Variants in DPP10 observed in about 807,000 individuals in gnomAD.
DPP10 encodes dipeptidyl peptidase like 10.
In DPP10, 33 loss-of-function variants were observed where a neutral mutation model predicts 120.9. That is an observed-to-expected ratio of 0.27 (90% CI 0.21 to 0.37). The LOEUF is 0.37. DPP10 is among the 10% of genes least tolerant of loss of function. DPP10 has a pLI of 1.00. For missense variants in DPP10, 816 were observed against 942.8 expected (o/e 0.87, Z 1.76); for synonymous variants, 337 against 326.1 (o/e 1.03, Z -0.36).
At chr2:115,806,097 T>A (rs1438531897) in intron 19 of DPP10, among the ~76,000 whole-genome samples, 1 of 152,178 alleles carries the variant, frequency 6.6e-6, no homozygotes, top group Non-Finnish European at 1.5e-5. Flanking sequence ...TAAAGGAATT[T>A]AAAATACGTG....
intron 5 of DPP10, among the ~76,000 whole-genome samples, chr2:115,553,234 T>TA (rs1392436864): frequency 6.6e-6 from 1 of 152,068 alleles, no homozygotes; most frequent in African/African-American, 2.4e-5. Context: ...CTAGACCTGA[T>TA]ACACTTGGTA....
chr2:115,050,254 C>A (rs566470928), intron 1 of DPP10: 1 of 152,258 alleles, frequency 6.6e-6, no homozygotes, highest in African/African-American at 2.4e-5. Context: ...TTTACACTTA[C>A]CCTGGTTCCA....
At chr2:114,674,898 A>G (rs747593095) in intron 1 of DPP10, among the ~76,000 whole-genome samples, 2 of 152,224 alleles carry the variant, frequency 1.3e-5, no homozygotes, top group African/African-American at 2.4e-5. Flanking sequence ...ATTACAGTTA[A>G]GACTATATAT....
chr2:114,720,631 A>G (rs962958766), intron 1 of DPP10, among the ~76,000 whole-genome samples: 4 of 152,254 alleles, frequency 2.6e-5, no homozygotes, highest in Non-Finnish European at 5.9e-5. Flanking sequence ...GAGCCTGTGG[A>G]AAGAACAATT....
Position 114,777,621 on chromosome 2 carries a change from G to A in DPP10, c.60+334783G>A, listed in dbSNP as rs80247752. Among the ~76,000 whole-genome samples, 1,009 of 152,136 alleles carry A rather than the reference G, an allele frequency of 6.6e-3. 16 individuals are homozygous for A. The highest frequency in any genetic ancestry group is 0.023 in the African/African-American group (940 of 41,530). On this transcript the variant is annotated intron_variant, in intron 1 of 25. Transcript: ENST00000410059. ...GTTGCTGAATGTCTCGTGTGAAAATGCTTTGTGGCTGAGCTTAAGAAATAA... is the reference window on the plus strand; with the variant it reads ...GTTGCTGAATGTCTCGTGTGAAAATACTTTGTGGCTGAGCTTAAGAAATAA...
chr2:114,763,473 A>G (rs1680453330), intron 1 of DPP10, among the ~76,000 whole-genome samples: 1 of 152,214 alleles, frequency 6.6e-6, no homozygotes, highest in Non-Finnish European at 1.5e-5. Flanking sequence ...CTTTTTCAAT[A>G]TACTGTGTTA....
chr2:114,549,372 T>C (rs962718473), intron 1 of DPP10, among the ~76,000 whole-genome samples: 7 of 152,060 alleles, frequency 4.6e-5, no homozygotes, highest in Non-Finnish European at 7.4e-5. Context: ...TTAGAAAACA[T>C]GTCCGCATAA....
chr2:114,742,072 C>G (rs1418215191), intron 1 of DPP10, among the ~76,000 whole-genome samples: 2 of 152,190 alleles, frequency 1.3e-5, no homozygotes, highest in Non-Finnish European at 2.9e-5. Flanking sequence ...AAAAAGGTAT[C>G]TCTTCTTTAC....
chr2:115,320,761 T>C (rs527975047), intron 2 of DPP10, among the ~76,000 whole-genome samples: 1 of 152,276 alleles, frequency 6.6e-6, no homozygotes, highest in South Asian at 2.1e-4. Context: ...AAATATACAA[T>C]AAGACTGCCT....
At chr2:115,684,884 T>A (rs2090893853) in intron 5 of DPP10, among the ~76,000 whole-genome samples, 1 of 151,962 alleles carries the variant, frequency 6.6e-6, no homozygotes, top group African/African-American at 2.4e-5. Flanking sequence ...ATCAATTAAT[T>A]CATACATATT....
At chr2:115,013,610 A>G (rs1329190773) in intron 1 of DPP10, among the ~76,000 whole-genome samples, 1 of 148,514 alleles carries the variant, frequency 6.7e-6, no homozygotes, top group Admixed American at 6.8e-5. Flanking sequence ...AAACACACAT[A>G]GGCTCAAAAT....
At chr2:114,602,908 T>C (rs1290953071) in intron 1 of DPP10, among the ~76,000 whole-genome samples, 3 of 152,048 alleles carry the variant, frequency 2.0e-5, no homozygotes, top group Non-Finnish European at 4.4e-5. Flanking sequence ...AGTGTATAAA[T>C]TTGAGTTTGG....
chr2:114,693,218 A>G (rs1236542082), intron 1 of DPP10, among the ~76,000 whole-genome samples: 1 of 151,408 alleles, frequency 6.6e-6, no homozygotes, highest in Admixed American at 6.6e-5. Flanking sequence ...GCTGGTAACA[A>G]TTTTTTCTTT....
At chr2:114,516,912 A>G (rs1460713397) in intron 1 of DPP10, among the ~76,000 whole-genome samples, 1 of 152,208 alleles carries the variant, frequency 6.6e-6, no homozygotes, top group Non-Finnish European at 1.5e-5. Flanking sequence ...AATTCTTAAA[A>G]GCCACAGATA....
chr2:115,165,640 C>T (rs2052776322), intron 1 of DPP10, among the ~76,000 whole-genome samples: 6 of 152,064 alleles, frequency 3.9e-5, no homozygotes, highest in Admixed American at 3.3e-4. Flanking sequence ...AGACTCTCAA[C>T]GTTTGTTAAA....
In DPP10 at chr2:114,717,074, G is replaced by A. The variant is rs191036891; in HGVS notation, c.60+274236G>A. Among the ~76,000 whole-genome samples, 547 of 152,260 alleles carry A rather than the reference G, an allele frequency of 3.6e-3. 3 individuals carry two copies. Among genetic ancestry groups the A allele is most frequent in the African/African-American group, 0.012 (509 of 41,548 alleles). On this transcript the variant is annotated intron_variant, in intron 1 of 25. Transcript: ENST00000410059. ...ACAGAGGGTTCATTCAATCATCAAC[G>A]CAGTTAATTTTCCTGGCAGAACCAC...
chr2:114,819,857 A>G (rs150574253), intron 1 of DPP10, among the ~76,000 whole-genome samples: 121 of 152,312 alleles, frequency 7.9e-4, no homozygotes, highest in African/African-American at 2.6e-3. Flanking sequence ...ACATTTGTAC[A>G]TTTCCCAGAA....
At chr2:114,768,127 CAAAAA>C in intron 1 of DPP10, among the ~76,000 whole-genome samples, 1 of 50,062 alleles carries the variant, frequency 2.0e-5, no homozygotes, top group Admixed American at 2.2e-4. Context: ...GGCTCTGTCT[CAAAAA>C]AAAAAAAAAA....
At chr2:115,280,590 T>A (rs933592588) in intron 1 of DPP10, among the ~76,000 whole-genome samples, 5 of 152,216 alleles carry the variant, frequency 3.3e-5, no homozygotes, top group African/African-American at 1.2e-4. Context: ...AAAAGCAAGA[T>A]GTCATATGTG....
Sources: allele counts gnomAD v4.1 joint callset (sites outside exome capture counted in the v4.1 genomes callset), GRCh38; gene constraint gnomAD v4.1.1; transcripts MANE v1.5; gene names NCBI Gene and HGNC (gene_info 2026-07-23, HGNC 2026-07-21).